Variants in GRIA3 observed in about 807,000 individuals in gnomAD.
The protein encoded by GRIA3 is glutamate ionotropic receptor AMPA type subunit 3.
Under a neutral mutation model 63.0 loss-of-function variants are expected in GRIA3, and 3 were observed. The observed-to-expected ratio is 0.05, with a 90% CI of 0.02 to 0.12. GRIA3 has a LOEUF of 0.12. Among genes scored for constraint, GRIA3 ranks in the 10% least tolerant of loss-of-function variants. The pLI is 1.00. For synonymous variants in GRIA3, 274 were observed against 257.9 expected (o/e 1.06, Z -0.60); for missense variants, 347 against 700.9 (o/e 0.50, Z 5.70).
intron 4 of GRIA3, among the ~76,000 whole-genome samples, chrX:123,337,207 A>G (rs772931403): frequency 3.6e-5 from 4 of 111,942 alleles, no homozygotes; most frequent in Non-Finnish European, 7.5e-5. Context: ...CTTCACTATG[A>G]TCACCATAAA....
At chrX:123,222,506 C>A (rs1476472307) in intron 2 of GRIA3, among the ~76,000 whole-genome samples, 1 of 112,171 alleles carries the variant, frequency 8.9e-6, no homozygotes, top group Admixed American at 9.4e-5. Context: ...TACCACCAAC[C>A]AGAGGAACTA....
intron 2 of GRIA3, among the ~76,000 whole-genome samples, chrX:123,195,966 T>C (rs1034533484): frequency 9.0e-6 from 1 of 111,443 alleles, no homozygotes; most frequent in Non-Finnish European, 1.9e-5. Context: ...CTAACTAACC[T>C]TCCCCCAGGC....
chrX:123,184,408 A>T lies in GRIA3; in HGVS notation c.-128A>T, dbSNP rs1927185925. 2 of 564,204 alleles carry T rather than the reference A, an allele frequency of 3.5e-6. No individual in the cohort carries two copies. Among genetic ancestry groups the T allele is most frequent in the Non-Finnish European group, 6.3e-6 (2 of 316,919 alleles). 46.5% of individuals were successfully genotyped at this position (564,204 alleles called of 1,213,427 possible). On this transcript the variant is annotated 5_prime_UTR_variant, in exon 1 of 16. Transcript: ENST00000620443. ...GGAGGACTAGTGTGGGGTGGAAAGGAAGAGTGAGCGAGAGCAAGTTAAGGG... is the reference window on the plus strand; with the variant it reads ...GGAGGACTAGTGTGGGGTGGAAAGGTAGAGTGAGCGAGAGCAAGTTAAGGG...
intron 2 of GRIA3, among the ~76,000 whole-genome samples, chrX:123,219,025 G>A (rs958630743): frequency 8.9e-6 from 1 of 111,907 alleles, no homozygotes; most frequent in African/African-American, 3.3e-5. Context: ...TGGCACTTGT[G>A]TGTAACGGGG....
chrX:123,271,099 G>C (rs1359599045), intron 3 of GRIA3, among the ~76,000 whole-genome samples: 2 of 111,901 alleles, frequency 1.8e-5, no homozygotes, highest in East Asian at 5.6e-4. Flanking sequence ...GCTATTTGGA[G>C]CTCTGTAGAT....
chrX:123,481,423 G>A (rs755004243), intron 14 of GRIA3, among the ~76,000 whole-genome samples: 2 of 112,136 alleles, frequency 1.8e-5, no homozygotes, highest in Non-Finnish European at 3.8e-5. Context: ...ATTTCAATTG[G>A]ACCTTTTATT....
chrX:123,463,576 A>G (rs6649017), intron 12 of GRIA3, among the ~76,000 whole-genome samples: 2,153 of 13,595 alleles, frequency 0.16, 209 homozygotes, highest in East Asian at 0.21. Context: ...GGAAGGAAGG[A>G]AGGGAGGGAG....
intron 2 of GRIA3, among the ~76,000 whole-genome samples, chrX:123,194,832 G>A (rs1569396181): frequency 8.9e-6 from 1 of 112,231 alleles, no homozygotes; most frequent in African/African-American, 3.2e-5. Context: ...ATTATGCCAG[G>A]CACTTTCACA....
chrX:123,199,368 C>T (rs978260678), intron 2 of GRIA3, among the ~76,000 whole-genome samples: 2 of 103,957 alleles, frequency 1.9e-5, no homozygotes, highest in Non-Finnish European at 3.9e-5. Flanking sequence ...TGGGTTATGA[C>T]CAAAGGCAAT....
chrX:123,484,670 A>T (rs1178291828), intron 15 of GRIA3, among the ~76,000 whole-genome samples: 3 of 111,323 alleles, frequency 2.7e-5, no homozygotes, highest in Non-Finnish European at 1.9e-5. Context: ...TTTAGTAGAG[A>T]CAGAGTTTCA....
At chrX:123,468,945 C>T (rs760208799) in intron 13 of GRIA3, among the ~76,000 whole-genome samples, 3 of 112,492 alleles carry the variant, frequency 2.7e-5, no homozygotes, top group Non-Finnish European at 3.8e-5. Context: ...GGCAATTTAG[C>T]ACTACCACCT....
chrX:123,354,114 A>G (rs2045116849), intron 4 of GRIA3, among the ~76,000 whole-genome samples: 1 of 111,881 alleles, frequency 8.9e-6, no homozygotes, highest in Non-Finnish European at 1.9e-5. Flanking sequence ...TTATGGTAAG[A>G]ATGATGATAC....
intron 3 of GRIA3, among the ~76,000 whole-genome samples, chrX:123,289,211 T>G (rs1051393661): frequency 2.7e-5 from 3 of 109,159 alleles, no homozygotes; most frequent in African/African-American, 1.0e-4. Context: ...CAAGTGGGAG[T>G]TGAACAATGA....
chrX:123,308,007 T>A (rs1166962227), intron 3 of GRIA3, among the ~76,000 whole-genome samples: 1 of 111,288 alleles, frequency 9.0e-6, no homozygotes, highest in African/African-American at 3.3e-5. Flanking sequence ...CTACATAAAT[T>A]TTTCAGCATG....
chrX:123,454,963 C>T (rs2045753651), intron 12 of GRIA3, among the ~76,000 whole-genome samples: 1 of 111,550 alleles, frequency 9.0e-6, no homozygotes, highest in African/African-American at 3.3e-5. Flanking sequence ...GTCACCTGCA[C>T]CTTTGGAAAG....
At chrX:123,352,519 TG>T (rs2045103219) in intron 4 of GRIA3, among the ~76,000 whole-genome samples, 1 of 112,066 alleles carries the variant, frequency 8.9e-6, no homozygotes, top group African/African-American at 3.2e-5. Context: ...ACTGGGGTCC[TG>T]GGTTCTCATT....
chrX:123,487,824 A>G (rs1203226602), intron 15 of GRIA3, among the ~76,000 whole-genome samples: 2 of 112,174 alleles, frequency 1.8e-5, no homozygotes, highest in East Asian at 5.6e-4. Flanking sequence ...TTATTCTACC[A>G]TCCTTGGATG....
intron 13 of GRIA3, among the ~76,000 whole-genome samples, chrX:123,468,999 A>G (rs893913567): frequency 5.2e-4 from 59 of 112,765 alleles, no homozygotes; most frequent in African/African-American, 1.8e-3. Context: ...ATATGTTTCC[A>G]TAAGAATCAG....
intron 2 of GRIA3, among the ~76,000 whole-genome samples, chrX:123,213,369 G>T (rs969460344): frequency 2.7e-5 from 3 of 112,135 alleles, no homozygotes; most frequent in African/African-American, 9.7e-5. Context: ...TACATAAGTT[G>T]CCTTATTTAA....
Sources: gnomAD v4.1 joint callset for allele counts (sites outside exome capture counted in the v4.1 genomes callset) on GRCh38, gnomAD v4.1.1 for gene constraint, MANE v1.5 for transcripts, NCBI Gene and HGNC (gene_info 2026-07-23, HGNC 2026-07-21) for gene names.